The following SORCS3 variants were observed in gnomAD, a reference collection of about 807,000 sequenced individuals.
SORCS3 encodes the protein sortilin related VPS10 domain containing receptor 3, also known as VPS10 domain-containing receptor SorCS3.
Under a neutral mutation model 146.3 loss-of-function variants are expected in SORCS3, and 57 were observed. The observed-to-expected ratio is 0.39, with a 90% CI of 0.31 to 0.49. The LOEUF (loss-of-function observed/expected upper bound fraction) is 0.49. Ranked by LOEUF, SORCS3 falls within the 20% of genes least tolerant of loss-of-function variation. The pLI is 0.92. For synonymous variants in SORCS3, 653 were observed against 618.5 expected (o/e 1.06, Z -0.83); for missense variants, 1,341 against 1,575.5 (o/e 0.85, Z 2.52).
intron 1 of SORCS3, among the ~76,000 whole-genome samples, chr10:104,651,682 T>C (rs997507898): frequency 2.0e-4 from 30 of 151,956 alleles, no homozygotes; most frequent in African/African-American, 7.3e-4. Context: ...TTCCCCAGCC[T>C]GGGTGACAGA....
In SORCS3 at chr10:104,738,109, C is replaced by G. The variant is rs138022873; in HGVS notation, c.627+96155C>G. On this transcript the variant is annotated intron_variant, in intron 1 of 26. Coordinates refer to ENST00000369701, the MANE Select transcript of SORCS3 (RefSeq NM_014978.3). ...GTAGATATGCGGCGTTATTTCTGAGCGCTCTGTTCTGTTCCATTGATCTAT... is the reference window on the plus strand; with the variant it reads ...GTAGATATGCGGCGTTATTTCTGAGGGCTCTGTTCTGTTCCATTGATCTAT... 4.0e-3 allele frequency among the ~76,000 whole-genome samples: 604 copies of G among 152,196 alleles called. 3 individuals carry two copies. The highest frequency in any genetic ancestry group is 6.3e-3 in the Non-Finnish European group (429 of 68,008).
intron 1 of SORCS3, among the ~76,000 whole-genome samples, chr10:104,657,412 G>A (rs999151196): frequency 6.6e-6 from 1 of 152,220 alleles, no homozygotes; most frequent in African/African-American, 2.4e-5. Flanking sequence ...ATTGGATGTA[G>A]CAAATGTGTG....
chr10:104,821,359 G>A (rs891873936), intron 1 of SORCS3, among the ~76,000 whole-genome samples: 1 of 152,172 alleles, frequency 6.6e-6, no homozygotes, highest in Non-Finnish European at 1.5e-5. Flanking sequence ...CTGGGGACAG[G>A]GCTTGAGCTG....
chr10:104,816,060 T>C (rs1407026264), intron 1 of SORCS3, among the ~76,000 whole-genome samples: 1 of 152,224 alleles, frequency 6.6e-6, no homozygotes, highest in African/African-American at 2.4e-5. Context: ...TTTTTTTCTT[T>C]TTCGCTTTTG....
chr10:105,173,796 C>T (rs556317660), intron 13 of SORCS3, among the ~76,000 whole-genome samples: 1 of 152,322 alleles, frequency 6.6e-6, no homozygotes, highest in South Asian at 2.1e-4. Context: ...CTGTTCTTCT[C>T]ACAGGGCAGC....
intron 2 of SORCS3, among the ~76,000 whole-genome samples, chr10:104,843,709 G>A (rs1012864704): frequency 3.3e-5 from 5 of 152,200 alleles, no homozygotes; most frequent in Non-Finnish European, 5.9e-5. Flanking sequence ...ACACACTTAC[G>A]CCTATACCTC....
chr10:105,183,681 A>T (rs1465488528), intron 14 of SORCS3, among the ~76,000 whole-genome samples: 1 of 152,148 alleles, frequency 6.6e-6, no homozygotes, highest in East Asian at 1.9e-4. Flanking sequence ...TGGCTGCTTG[A>T]TTCATAACCT....
chr10:105,117,697 G>A (rs765445493), intron 7 of SORCS3, among the ~76,000 whole-genome samples: 1 of 152,196 alleles, frequency 6.6e-6, no homozygotes. Context: ...AGCACTAGCT[G>A]TATTCATAAT....
At chr10:105,091,555 T>C (rs2055709370) in intron 6 of SORCS3, among the ~76,000 whole-genome samples, 1 of 142,116 alleles carries the variant, frequency 7.0e-6, no homozygotes, top group South Asian at 2.5e-4. Context: ...CCTCCTTCCC[T>C]CCTTCCTTCC....
At chr10:104,991,649 G>A (rs977749315) in intron 4 of SORCS3, among the ~76,000 whole-genome samples, 6 of 151,916 alleles carry the variant, frequency 3.9e-5, no homozygotes, top group Admixed American at 6.6e-5. Context: ...CTGCAGGTGC[G>A]TGCCACCATA....
At chr10:105,026,624 C>T (rs1411252492) in intron 4 of SORCS3, among the ~76,000 whole-genome samples, 1 of 152,204 alleles carries the variant, frequency 6.6e-6, no homozygotes, top group East Asian at 1.9e-4. Flanking sequence ...GGTACGTATA[C>T]ACCATGGAAT....
chr10:105,219,849 C>G (rs1463950519), intron 19 of SORCS3, among the ~76,000 whole-genome samples: 1 of 152,150 alleles, frequency 6.6e-6, no homozygotes, highest in Non-Finnish European at 1.5e-5. Context: ...ATGTATCTTA[C>G]TGGCAAAAAA....
chr10:104,824,360 G>T (rs944695003), intron 1 of SORCS3, among the ~76,000 whole-genome samples: 1 of 151,976 alleles, frequency 6.6e-6, no homozygotes, highest in Non-Finnish European at 1.5e-5. Flanking sequence ...AATTTTTTTT[G>T]CAGGAAGTTG....
intron 13 of SORCS3, among the ~76,000 whole-genome samples, chr10:105,176,735 G>A (rs868853296): frequency 1.3e-5 from 2 of 151,976 alleles, no homozygotes; most frequent in African/African-American, 2.4e-5. Flanking sequence ...CGTGCCTGTA[G>A]TCCCAGCTAC....
chr10:104,741,273 A>G (rs1340566064), intron 1 of SORCS3, among the ~76,000 whole-genome samples: 1 of 151,158 alleles, frequency 6.6e-6, no homozygotes, highest in Admixed American at 6.6e-5. Flanking sequence ...GGACAATCAG[A>G]CCTTTTCTTT....
At chr10:105,039,188 C>T (rs1416457884) in intron 4 of SORCS3, among the ~76,000 whole-genome samples, 2 of 152,148 alleles carry the variant, frequency 1.3e-5, no homozygotes, top group African/African-American at 4.8e-5. Flanking sequence ...GAGAGGTTTT[C>T]AAGATCCAAC....
intron 3 of SORCS3, among the ~76,000 whole-genome samples, chr10:104,923,365 C>G (rs989371114): frequency 2.0e-5 from 3 of 152,098 alleles, no homozygotes; most frequent in Non-Finnish European, 2.9e-5. Context: ...CCTCATAGCT[C>G]TTAGTTATAT....
chr10:104,821,760 T>C (rs1256922587), intron 1 of SORCS3, among the ~76,000 whole-genome samples: 1 of 152,180 alleles, frequency 6.6e-6, no homozygotes, highest in African/African-American at 2.4e-5. Context: ...CTCACCAATG[T>C]CTTTGAGTTG....
In SORCS3 at chr10:105,105,499, A is replaced by C. The variant is rs767222757; in HGVS notation, c.1196A>C (p.Glu399Ala). 6.2e-6 allele frequency: 10 copies of C among 1,611,248 alleles called. No homozygotes were observed. Among genetic ancestry groups the C allele is most frequent in the Non-Finnish European group, 8.5e-6 (10 of 1,177,578 alleles). The part of the protein sequence containing the change: ...IDISSLVVQD[E>A]YIFIQVTTSG... ...ATCAGTTCCCTGGTTGTCCAGGATGAATATATCTTCATTCAGGTGAGTACA... is the reference window on the plus strand; with the variant it reads ...ATCAGTTCCCTGGTTGTCCAGGATGCATATATCTTCATTCAGGTGAGTACA... Residue 399 changes from glutamate to alanine, a missense_variant, in exon 7 of 27, where the codon GAA (glutamate) becomes GCA (alanine). Glu to Ala is a moderately radical substitution (Grantham distance 107, BLOSUM62 -1). Transcript: ENST00000369701.
Sources: allele counts gnomAD v4.1 joint callset (sites outside exome capture counted in the v4.1 genomes callset), GRCh38; gene constraint gnomAD v4.1.1; transcripts MANE v1.5; gene names NCBI Gene and HGNC (gene_info 2026-07-23, HGNC 2026-07-21).